The following KLRD1 variants were observed in gnomAD, a reference collection of about 807,000 sequenced individuals.
KLRD1 encodes killer cell lectin like receptor D1, also known as natural killer cells antigen CD94.
In KLRD1, 21 loss-of-function variants were observed where a neutral mutation model predicts 22.6. The ratio of observed to expected loss-of-function variants is 0.93; its 90% CI spans 0.66 to 1.34. The LOEUF (loss-of-function observed/expected upper bound fraction) is 1.34, where lower values mean the gene tolerates loss of function less well. Among genes scored for constraint, KLRD1 ranks in the 40% most tolerant of loss-of-function variants. The pLI, the probability that KLRD1 is intolerant of heterozygous loss-of-function variation, is 0.00. For synonymous variants in KLRD1, 59 were observed against 71.1 expected, an observed-to-expected ratio of 0.83 and a Z score of 0.85; for missense variants, 183 against 208.6, an observed-to-expected ratio of 0.88 and a Z score of 0.76.
At chr12:10,260,979 T>TAAAA (rs1491065508) in intron 1 of KLRD1, among the ~76,000 whole-genome samples, 120 of 37,552 alleles carry the variant, frequency 3.2e-3, no homozygotes, top group African/African-American at 3.8e-3. Context: ...AAAAAAAAAT[T>TAAAA]TTTTTGAGGT....
At chr12:10,257,398 T>G (rs2075728523) in intron 1 of KLRD1, among the ~76,000 whole-genome samples, 1 of 151,360 alleles carries the variant, frequency 6.6e-6, no homozygotes, top group South Asian at 2.1e-4. Context: ...TCTTAGTCTC[T>G]GTTCACTTTT....
At chr12:10,248,233 G>C (rs1374636953) in intron 1 of KLRD1, among the ~76,000 whole-genome samples, 1 of 151,592 alleles carries the variant, frequency 6.6e-6, no homozygotes, top group Non-Finnish European at 1.5e-5. Flanking sequence ...TTCTAATCCT[G>C]TTTTAAAAAA....
intron 1 of KLRD1, among the ~76,000 whole-genome samples, chr12:10,281,220 A>G (rs1949638752): frequency 6.6e-6 from 1 of 152,174 alleles, no homozygotes. Flanking sequence ...TGGAAAGACA[A>G]AACCACAAGT....
chr12:10,262,619 T>C (rs1246887547), intron 1 of KLRD1, among the ~76,000 whole-genome samples: 1 of 152,088 alleles, frequency 6.6e-6, no homozygotes, highest in Non-Finnish European at 1.5e-5. Context: ...TGTAAACCAA[T>C]ACTTACCTTT....
rs1950338905 is a variant in KLRD1, at chr12:10,324,285, AT to A, written c.*9493del. On this transcript the variant is annotated 3_prime_UTR_variant, in exon 6 of 6. Coordinates refer to ENST00000336164, the MANE Select transcript of KLRD1 (RefSeq NM_002262.5). Reference sequence around the variant, plus strand: ...TTCAGGGTATATATGTAGGCTTCTTATATGAGTACATTGCATGTTGCAGTGG... The same window carrying A: ...TTCAGGGTATATATGTAGGCTTCTTAATGAGTACATTGCATGTTGCAGTGG... 6.6e-6 allele frequency: 1 copy of A among 152,184 alleles called. No homozygotes were observed. The highest frequency in any genetic ancestry group is 1.5e-5 in the Non-Finnish European group (1 of 68,036). 9.4% of individuals were successfully genotyped at this position (152,184 alleles called of 1,614,324 possible). A position where few individuals can be genotyped will look rare whatever the true frequency, so the allele number is the denominator to read the frequency against.
At chr12:10,296,677 AAGAGAG>A (rs903075941) in intron 1 of KLRD1, among the ~76,000 whole-genome samples, 1 of 152,110 alleles carries the variant, frequency 6.6e-6, no homozygotes, top group South Asian at 2.1e-4. Context: ...AATGGATTAA[AAGAGAG>A]AGAGAGAAAG....
At chr12:10,250,973 C>T (rs1029307615) in intron 1 of KLRD1, among the ~76,000 whole-genome samples, 8 of 152,076 alleles carry the variant, frequency 5.3e-5, no homozygotes, top group Admixed American at 3.3e-4. Flanking sequence ...TCATTATCAA[C>T]GACTTATTTA....
intron 1 of KLRD1, among the ~76,000 whole-genome samples, chr12:10,267,305 A>G (rs1949509746): frequency 6.6e-6 from 1 of 152,136 alleles, no homozygotes; most frequent in African/African-American, 2.4e-5. Context: ...TACATTTAAT[A>G]TATATTCAAT....
intron 1 of KLRD1, among the ~76,000 whole-genome samples, chr12:10,271,368 G>A (rs78009089): frequency 5.3e-4 from 81 of 152,240 alleles, no homozygotes; most frequent in African/African-American, 1.9e-3. Context: ...ACCATTCTAA[G>A]TCATCGTGGC....
intron 3 of KLRD1, among the ~76,000 whole-genome samples, chr12:10,310,804 A>G (rs1175611034): frequency 6.6e-6 from 1 of 152,170 alleles, no homozygotes; most frequent in African/African-American, 2.4e-5. Flanking sequence ...TAAAAAATAT[A>G]AAAATAATAG....
intron 1 of KLRD1, among the ~76,000 whole-genome samples, chr12:10,247,769 G>T (rs993970115): frequency 2.6e-5 from 4 of 152,040 alleles, no homozygotes; most frequent in African/African-American, 7.3e-5. Flanking sequence ...AACATCTGAT[G>T]GTTTTATAAG....
chr12:10,327,989 C>G lies in KLRD1; in HGVS notation c.*13196C>G, dbSNP rs1160818955. ...TAATTGATTTTGTATGTTAGGCTATCCTTGCACCCCAGGGATAAATGCCAC... is the reference window on the plus strand; with the variant it reads ...TAATTGATTTTGTATGTTAGGCTATGCTTGCACCCCAGGGATAAATGCCAC... On this transcript the variant is annotated 3_prime_UTR_variant, in exon 6 of 6. Transcript: ENST00000336164. 6.6e-6 allele frequency: 1 copy of G among 152,050 alleles called. No homozygotes were observed. Among genetic ancestry groups the G allele is most frequent in the East Asian group, 1.9e-4 (1 of 5,200 alleles). The allele number at this position is 152,050 out of a possible 1,614,324, so 9.4% of individuals were successfully genotyped here. A position where few individuals can be genotyped will look rare whatever the true frequency, so the allele number is the denominator to read the frequency against.
rs147892854 is a variant in KLRD1 at position 10,319,367 on chromosome 12, T to G, written c.*4574T>G. 1.4e-3 allele frequency: 219 copies of G among 152,330 alleles called. 4 individuals carry two copies. Among genetic ancestry groups the G allele is most frequent in the African/African-American group, 5.0e-3 (208 of 41,578 alleles). 9.4% of individuals were successfully genotyped at this position (152,330 alleles called of 1,614,324 possible). A position where few individuals can be genotyped will look rare whatever the true frequency, so the allele number is the denominator to read the frequency against. ...TTTTAAAGGGTGACAATCTACAAAT[T>G]ATGTGTTATAGACAAGTTGCAAGAT... On this transcript the variant is annotated 3_prime_UTR_variant, in exon 6 of 6. Coordinates refer to ENST00000336164, the MANE Select transcript of KLRD1 (RefSeq NM_002262.5).
At chr12:10,244,678 G>A (rs1176904289) in intron 1 of KLRD1, among the ~76,000 whole-genome samples, 1 of 151,990 alleles carries the variant, frequency 6.6e-6, no homozygotes. Flanking sequence ...AGCTACTCAG[G>A]AGCCTGAGGC....
chr12:10,242,761 T>C (rs892220648), intron 1 of KLRD1, among the ~76,000 whole-genome samples: 1 of 152,174 alleles, frequency 6.6e-6, no homozygotes, highest in Non-Finnish European at 1.5e-5. Flanking sequence ...TAATATCTTA[T>C]TGTGGTTTTA....
chr12:10,312,806 T>C (rs1950120400), intron 4 of KLRD1, among the ~76,000 whole-genome samples: 1 of 149,172 alleles, frequency 6.7e-6, no homozygotes, highest in South Asian at 2.2e-4. Context: ...GCTAACACGG[T>C]GAAACCACGT....
At chr12:10,301,504 G>A (rs61917597), upstream of KLRD1, among the ~76,000 whole-genome samples, 1 of 151,984 alleles carries the variant, frequency 6.6e-6, no homozygotes, top group Non-Finnish European at 1.5e-5. Context: ...GCCCAGAACA[G>A]CTTCACAAAA....
intron 1 of KLRD1, among the ~76,000 whole-genome samples, chr12:10,254,199 C>T (rs1388842938): frequency 2.0e-5 from 3 of 151,920 alleles, no homozygotes; most frequent in Non-Finnish European, 4.4e-5. Flanking sequence ...GAGGCCGAGA[C>T]GGGTGGATCA....
intron 1 of KLRD1, among the ~76,000 whole-genome samples, chr12:10,269,410 C>G (rs552088574): frequency 6.6e-6 from 1 of 152,316 alleles, no homozygotes; most frequent in African/African-American, 2.4e-5. Flanking sequence ...CTCAGCCTCC[C>G]AAAGTGCTGG....
Sources: allele counts gnomAD v4.1 joint callset (sites outside exome capture counted in the v4.1 genomes callset), GRCh38; gene constraint gnomAD v4.1.1; transcripts MANE v1.5; gene names NCBI Gene and HGNC (gene_info 2026-07-23, HGNC 2026-07-21).